The following CTNNA3 variants were observed in gnomAD, a reference collection of about 807,000 sequenced individuals.
CTNNA3 encodes catenin alpha 3.
Under a neutral mutation model 95.7 loss-of-function variants are expected in CTNNA3, and 76 were observed. That is an observed-to-expected ratio of 0.79 (90% CI 0.66 to 0.96). The LOEUF (loss-of-function observed/expected upper bound fraction) is 0.96. CTNNA3 is among the 40% of genes least tolerant of loss of function. The pLI is 0.00. For synonymous variants in CTNNA3, 431 were observed against 374.4 expected (o/e 1.15, Z -1.74); for missense variants, 1,191 against 1,089.8 (o/e 1.09, Z -1.31).
At chr10:66,734,570 G>A (rs1849069283) in intron 9 of CTNNA3, among the ~76,000 whole-genome samples, 1 of 152,036 alleles carries the variant, frequency 6.6e-6, no homozygotes, top group African/African-American at 2.4e-5. Context: ...ATTACATTAT[G>A]AATTTTATTA....
chr10:67,379,686 T>C lies in CTNNA3; in HGVS notation c.579+142156A>G, dbSNP rs12411478. On this transcript the variant is annotated intron_variant, in intron 5 of 17. Transcript: ENST00000433211. ...GAATAGGAAATCCAAGACTTTAGAG[T>C]ACAATGAGGTGAAAATCCTAAACCA... is the stretch of plus-strand genomic sequence containing the variant. Among the ~76,000 whole-genome samples the C allele has an allele frequency of 2.6e-3, 392 of 151,986 alleles. 6 individuals are homozygous for C. The highest frequency in any genetic ancestry group is 0.023 in the Admixed American group (344 of 15,274).
chr10:66,511,729 T>A (rs534065097), intron 11 of CTNNA3, among the ~76,000 whole-genome samples: 1 of 151,944 alleles, frequency 6.6e-6, no homozygotes, highest in Non-Finnish European at 1.5e-5. Context: ...TGAGAATACA[T>A]GGTATAATTG....
chr10:67,156,953 C>A (rs1861337558), intron 7 of CTNNA3, among the ~76,000 whole-genome samples: 1 of 152,070 alleles, frequency 6.6e-6, no homozygotes, highest in South Asian at 2.1e-4. Flanking sequence ...GCTTTACATA[C>A]TTAGGTGCTC....
intron 2 of CTNNA3, among the ~76,000 whole-genome samples, chr10:67,614,699 T>C (rs1207925261): frequency 2.6e-5 from 4 of 152,192 alleles, no homozygotes; most frequent in Admixed American, 6.5e-5. Flanking sequence ...TAACAGGCCA[T>C]GGACATGCAC....
At chr10:66,139,449 C>T (rs996021572) in intron 13 of CTNNA3, among the ~76,000 whole-genome samples, 4 of 151,938 alleles carry the variant, frequency 2.6e-5, no homozygotes, top group African/African-American at 9.7e-5. Context: ...AATGCAAGGC[C>T]CTTCTTTGAC....
chr10:67,399,783 T>G (rs1375365214), intron 5 of CTNNA3, among the ~76,000 whole-genome samples: 2 of 152,234 alleles, frequency 1.3e-5, no homozygotes, highest in Non-Finnish European at 2.9e-5. Context: ...CTATAAGCAT[T>G]ATGGTAACCA....
intron 3 of CTNNA3, among the ~76,000 whole-genome samples, chr10:67,597,223 A>C (rs183826042): frequency 3.2e-4 from 48 of 152,326 alleles, no homozygotes; most frequent in Non-Finnish European, 6.0e-4. Flanking sequence ...AAATCTTGAT[A>C]ATCTTTCTTG....
chr10:66,008,793 T>C (rs913194478), intron 15 of CTNNA3, among the ~76,000 whole-genome samples: 2 of 152,072 alleles, frequency 1.3e-5, no homozygotes, highest in African/African-American at 2.4e-5. Flanking sequence ...TGTGAATGAG[T>C]ATTAGAGGAT....
intron 11 of CTNNA3, among the ~76,000 whole-genome samples, chr10:66,396,575 G>C (rs993089420): frequency 1.9e-4 from 29 of 151,932 alleles, no homozygotes; most frequent in African/African-American, 6.8e-4. Context: ...ATCTAGAAAT[G>C]TTTATGAGTA....
At chr10:67,554,022 T>G (rs1434555282) in intron 3 of CTNNA3, among the ~76,000 whole-genome samples, 1 of 152,228 alleles carries the variant, frequency 6.6e-6, no homozygotes, top group African/African-American at 2.4e-5. Flanking sequence ...TGGTTTTCTG[T>G]CCTTGTGATA....
intron 10 of CTNNA3, among the ~76,000 whole-genome samples, chr10:66,567,148 A>G (rs943387527): frequency 2.7e-5 from 3 of 110,056 alleles, no homozygotes; most frequent in South Asian, 6.4e-4. Flanking sequence ...CTATCACTCA[A>G]TATTATGAAC....
intron 5 of CTNNA3, among the ~76,000 whole-genome samples, chr10:67,232,458 T>C (rs1439387266): frequency 6.6e-6 from 1 of 151,692 alleles, no homozygotes; most frequent in African/African-American, 2.4e-5. Context: ...GAGAAGCAAA[T>C]CCTGAGAGAT....
chr10:67,088,785 T>G (rs1367358161), intron 7 of CTNNA3, among the ~76,000 whole-genome samples: 2 of 152,096 alleles, frequency 1.3e-5, no homozygotes, highest in Admixed American at 1.3e-4. Context: ...TTATTCTCGT[T>G]ACAGACACTT....
At chr10:66,557,175 G>T (rs115597095) in intron 10 of CTNNA3, among the ~76,000 whole-genome samples, 2,879 of 151,954 alleles carry the variant, frequency 0.019, 97 homozygotes, top group African/African-American at 0.065. Context: ...ATTGAACAAC[G>T]TGCTTTATAT....
intron 7 of CTNNA3, among the ~76,000 whole-genome samples, chr10:66,866,053 AT>A (rs1413392809): frequency 6.6e-6 from 1 of 152,192 alleles, no homozygotes; most frequent in African/African-American, 2.4e-5. Flanking sequence ...ATTAAAATAA[AT>A]ATAAAGGTTA....
intron 7 of CTNNA3, among the ~76,000 whole-genome samples, chr10:66,878,243 A>G (rs1564740120): frequency 1.3e-5 from 2 of 152,112 alleles, no homozygotes; most frequent in African/African-American, 4.8e-5. Flanking sequence ...AAACTCAGAT[A>G]AATCTGTTAA....
chr10:66,415,528 G>A (rs1358811148), intron 11 of CTNNA3, among the ~76,000 whole-genome samples: 1 of 152,012 alleles, frequency 6.6e-6, no homozygotes, highest in Non-Finnish European at 1.5e-5. Context: ...TGCCACTACT[G>A]GGCTTTGAGT....
At chr10:66,670,422 C>A (rs1846618375) in intron 9 of CTNNA3, among the ~76,000 whole-genome samples, 1 of 152,140 alleles carries the variant, frequency 6.6e-6, no homozygotes, top group African/African-American at 2.4e-5. Flanking sequence ...TTCCTTGGGG[C>A]TCTTCTCCAG....
intron 5 of CTNNA3, among the ~76,000 whole-genome samples, chr10:67,509,530 T>C (rs1413985728): frequency 6.6e-6 from 1 of 152,226 alleles, no homozygotes; most frequent in African/African-American, 2.4e-5. Context: ...CTCATCCTTT[T>C]TTATGGCTGT....
Sources: gnomAD v4.1 joint callset for allele counts (sites outside exome capture counted in the v4.1 genomes callset) on GRCh38, gnomAD v4.1.1 for gene constraint, MANE v1.5 for transcripts, NCBI Gene and HGNC (gene_info 2026-07-23, HGNC 2026-07-21) for gene names.